The following SVEP1 variants were observed in gnomAD, a reference collection of about 807,000 sequenced individuals.
The protein encoded by SVEP1 is sushi, von Willebrand factor type A, EGF and pentraxin domain-containing protein 1.
Under a neutral mutation model 367.3 loss-of-function variants are expected in SVEP1, and 164 were observed. That is an observed-to-expected ratio of 0.45 (90% confidence interval 0.39 to 0.51). The LOEUF (loss-of-function observed/expected upper bound fraction) is 0.51. SVEP1 is among the 20% of genes least tolerant of loss of function. The pLI, the probability that SVEP1 is intolerant of heterozygous loss-of-function variation, is 0.00. For synonymous variants in SVEP1, 1,666 were observed against 1,611.6 expected (o/e 1.03, Z -0.81); for missense variants, 4,117 against 4,425.3 (o/e 0.93, Z 1.98).
rs113725534 is a variant in SVEP1 at position 110,378,153 on chromosome 9, CA to C, written c.10409-788del. 3.5e-3 allele frequency among the ~76,000 whole-genome samples: 536 copies of C among 152,288 alleles called. 5 individuals are homozygous for C. Among genetic ancestry groups the C allele is most frequent in the African/African-American group, 9.3e-3 (386 of 41,550 alleles). On this transcript the variant is annotated intron_variant, in intron 44 of 47. Coordinates refer to ENST00000374469, the MANE Select transcript of SVEP1 (RefSeq NM_153366.4). ...ATCATCATCATCATCTATCAACATA[CA>C]TTTTTTTATCCATTTATCTGTCAAC...
intron 15 of SVEP1, 107 bp from the exon 16 acceptor site, chr9:110,471,704 A>T (rs1367931775): frequency 2.6e-6 from 2 of 770,244 alleles, no homozygotes; most frequent in Non-Finnish European, 2.1e-6. Context: ...TTTAGTACTA[A>T]TAAGTGGTCT....
chr9:110,411,033 C>A, intron 37 of SVEP1, 30 bp downstream of exon 37: 2 of 1,520,430 alleles, frequency 1.3e-6, no homozygotes, highest in Admixed American at 2.1e-5. Flanking sequence ...GTGACAAAAG[C>A]CACAGACCAT....
chr9:110,384,193 A>G (rs555802148), intron 43 of SVEP1, among the ~76,000 whole-genome samples: 1 of 152,280 alleles, frequency 6.6e-6, no homozygotes, highest in African/African-American at 2.4e-5. Context: ...CCTGATCTGC[A>G]GGTTGCACAG....
chr9:110,559,513 G>A (rs1285051422), intron 1 of SVEP1, among the ~76,000 whole-genome samples: 1 of 151,970 alleles, frequency 6.6e-6, no homozygotes, highest in Non-Finnish European at 1.5e-5. Context: ...TTTAAAAATA[G>A]TAACACTGTT....
intron 2 of SVEP1, among the ~76,000 whole-genome samples, chr9:110,547,156 T>C (rs143993887): frequency 5.3e-4 from 80 of 152,130 alleles, no homozygotes; most frequent in African/African-American, 1.9e-3. Flanking sequence ...TCCATCTCCA[T>C]GCATCTAGAT....
intron 1 of SVEP1, among the ~76,000 whole-genome samples, chr9:110,568,330 A>C (rs1420278615): frequency 6.6e-6 from 1 of 152,196 alleles, no homozygotes; most frequent in Non-Finnish European, 1.5e-5. Context: ...TTATTTAGAG[A>C]GTTTTATATA....
intron 42 of SVEP1, among the ~76,000 whole-genome samples, chr9:110,386,635 T>G (rs1474950985): frequency 1.3e-5 from 2 of 152,130 alleles, no homozygotes; most frequent in African/African-American, 4.8e-5. Context: ...GGATTCATTG[T>G]TATAGGCCCG....
At chr9:110,541,362 C>T (rs1266659846) in intron 3 of SVEP1, among the ~76,000 whole-genome samples, 4 of 152,082 alleles carry the variant, frequency 2.6e-5, no homozygotes, top group African/African-American at 9.7e-5. Context: ...TTTCTCCCAT[C>T]TAATAGTCTT....
rs150209803 is a variant in SVEP1, at chr9:110,431,943, C to T, written c.5325G>A (p.Pro1775=). ...CACAGTTTTTCCCATCTCCTGTGTA[C>T]GGTGGGACACATGAACATATGTAGG... The part of the protein sequence containing the change: ...DGSYICSCVP[P]YTGDGKNCAE... Residue 1775 remains proline, a synonymous_variant, in exon 32 of 48, where the codon CCG becomes CCA. Transcript: ENST00000374469. 8.9e-4 allele frequency: 1,439 copies of T among 1,613,582 alleles called. 2 individuals are homozygous for T. Among genetic ancestry groups the T allele is most frequent in the Non-Finnish European group, 1.2e-3 (1,366 of 1,179,652 alleles).
At position 110,400,981 on chromosome 9, in the gene SVEP1, G is replaced by A. The variant is rs956397848; in HGVS notation, c.9695C>T (p.Ser3232Phe). The A allele has an allele frequency of 1.2e-6, 2 of 1,613,724 alleles. No homozygotes were observed. The highest frequency in any genetic ancestry group is 1.7e-5 in the Admixed American group (1 of 59,958). ...QLDGTWEPPF[S>F]DESCSPVSCG... ...AGAAACTGGACTGCAAGATTCATCG[G>A]AGAATGGTGGCTCCCAGGTTCCATC... The change falls in exon 40 of 48, where the codon TCC (serine) becomes TTC (phenylalanine). Residue 3232 changes from serine to phenylalanine, a missense_variant. This residue lies in a region of SVEP1 where 1,765 missense variants were observed against 1,781.1 expected (regional missense o/e 0.99). Coordinates refer to ENST00000374469, the MANE Select transcript of SVEP1 (RefSeq NM_153366.4).
chr9:110,398,854 A>G lies in SVEP1; in HGVS notation c.9822+2000T>C, dbSNP rs148049260. Among the ~76,000 whole-genome samples, 1,409 of 152,234 alleles carry G rather than the reference A, an allele frequency of 9.3e-3. 23 individuals carry two copies. Among genetic ancestry groups the G allele is most frequent in the African/African-American group, 0.031 (1,293 of 41,544 alleles). ...AAAAAGTCAGGAAACAACAGGTGCT[A>G]GAGAGGATGTGGAGAAATAGGAACA... On this transcript the variant is annotated intron_variant, in intron 40 of 47. Transcript: ENST00000374469.
rs563655189 is a variant in SVEP1, at chr9:110,404,534, C to T, written c.9459G>A (p.Thr3153=). ...EVKLRCLEGY[T]MDTDTDTFTC... ...TGAATGTATCTGTATCTGTATCCATCGTATAACCTTCCAGACATCTGCAAT... is the reference window on the plus strand; with the variant it reads ...TGAATGTATCTGTATCTGTATCCATTGTATAACCTTCCAGACATCTGCAAT... The change falls in exon 39 of 48, where the codon ACG becomes ACA. Residue 3153 remains threonine (T), a synonymous_variant. Transcript: ENST00000374469. The T allele has an allele frequency of 5.2e-5, 84 of 1,613,896 alleles. 1 individual carries two copies. In the South Asian group the frequency reaches 8.3e-4, roughly 16 times the overall value.
At position 110,366,286 on chromosome 9, in the gene SVEP1, G is replaced by A; in HGVS notation, c.*253C>T. ...AGCAGAATATGTACATTTTGTGAGG[G>A]TAGAGCAGCATCTATTTAATATAAT... is the stretch of plus-strand genomic sequence containing the variant. On this transcript the variant is annotated 3_prime_UTR_variant, in exon 48 of 48. Transcript: ENST00000374469. 3.3e-6 allele frequency: 1 copy of A among 301,222 alleles called. No homozygotes were observed. Among genetic ancestry groups the A allele is most frequent in the Admixed American group, 6.5e-5 (1 of 15,384 alleles). 18.7% of individuals were successfully genotyped at this position (301,222 alleles called of 1,614,324 possible).
chr9:110,507,291 T>G (rs556321100), intron 5 of SVEP1, among the ~76,000 whole-genome samples: 4 of 152,224 alleles, frequency 2.6e-5, no homozygotes, highest in African/African-American at 9.6e-5. Flanking sequence ...TCTACTTTTC[T>G]GCATTTGCCA....
Position 110,570,467 on chromosome 9 carries a change from C to CGTGTGTGTGTGTGTGTGT in SVEP1, c.531+8528_531+8545dup, listed in dbSNP as rs59503025. 3.2e-3 allele frequency among the ~76,000 whole-genome samples: 473 copies of CGTGTGTGTGTGTGTGTGT among 146,936 alleles called. 3 individuals carry two copies. Among genetic ancestry groups the CGTGTGTGTGTGTGTGTGT allele is most frequent in the South Asian group, 0.011 (51 of 4,508 alleles). ...AAACTAAGACAAAAAGTTTCTGTTG[C>CGTGTGTGTGTGTGTGTGT]GTGTGTGTGTGTGTGTGTGTGTGTG... is the stretch of plus-strand genomic sequence containing the variant. On this transcript the variant is annotated intron_variant, in intron 1 of 47. Coordinates refer to ENST00000374469, the MANE Select transcript of SVEP1 (RefSeq NM_153366.4).
chr9:110,565,335 C>T (rs1830478905), intron 1 of SVEP1, among the ~76,000 whole-genome samples: 1 of 152,108 alleles, frequency 6.6e-6, no homozygotes, highest in African/African-American at 2.4e-5. Context: ...TACTTAAGGT[C>T]ACTTAGGACT....
rs12684671 is a variant in SVEP1, at chr9:110,413,304, C to T, written c.5976-1569G>A. Among the ~76,000 whole-genome samples, 3 of 148,660 alleles carry T rather than the reference C, an allele frequency of 2.0e-5. No individual in the cohort carries two copies. The East Asian group carries it at 6.0e-4, about 30-fold the overall frequency. ...ACTATCACAAGAACAAAAAACCAAA[C>T]ACCGCATATTCTCACTTATAGGTGG... On this transcript the variant is annotated intron_variant, in intron 36 of 47. Transcript: ENST00000374469.
At chr9:110,509,169 G>A (rs1186993917) in intron 5 of SVEP1, among the ~76,000 whole-genome samples, 1 of 152,124 alleles carries the variant, frequency 6.6e-6, no homozygotes, top group African/African-American at 2.4e-5. Flanking sequence ...AAACAATAAT[G>A]CCAATTAAAG....
chr9:110,516,103 T>C (rs1333822628), intron 3 of SVEP1, among the ~76,000 whole-genome samples: 7 of 150,848 alleles, frequency 4.6e-5, no homozygotes, highest in Admixed American at 4.0e-4. Flanking sequence ...TATAATATAC[T>C]AAATCATTAT....
Sources: allele counts gnomAD v4.1 joint callset (sites outside exome capture counted in the v4.1 genomes callset), GRCh38; gene constraint gnomAD v4.1.1; regional missense constraint gnomAD v4.1.1; transcripts MANE v1.5; gene names NCBI Gene and HGNC (gene_info 2026-07-23, HGNC 2026-07-21).